FAM107A: variants seen among roughly 807,000 people sequenced by gnomAD.
FAM107A encodes family with sequence similarity 107 member A.
A neutral mutation model predicts 13.7 loss-of-function variants in FAM107A; 19 were observed. The ratio of observed to expected loss-of-function variants is 1.38; its 90% CI spans 0.97 to 2.03. The LOEUF (loss-of-function observed/expected upper bound fraction) is 2.03, where lower values mean the gene tolerates loss of function less well. Among genes scored for constraint, FAM107A ranks in the 30% most tolerant of loss-of-function variants. The pLI is 0.00. For missense variants in FAM107A, 203 were observed against 184.4 expected, an observed-to-expected ratio of 1.10 and a Z score of -0.58; for synonymous variants, 82 against 74.5, an observed-to-expected ratio of 1.10 and a Z score of -0.52.
Position 58,569,749 on chromosome 3 carries a change from C to G in FAM107A, c.112G>C (p.Val38Leu). 6.2e-7 allele frequency: 1 copy of G among 1,614,152 alleles called. No individual in the cohort carries two copies. The highest frequency in any genetic ancestry group is 1.6e-4 in the Middle Eastern group (1 of 6,062). Residue 38 changes from valine (V) to leucine (L), a missense_variant, in exon 2 of 4, where the codon GTG becomes CTG. Transcript: ENST00000360997. This position sits in a 1 kb window ranked among gnomAD's most constrained non-coding sequence, Gnocchi z 5.7. ...LIKPKKLLNP[V>L]KASRSHQELH... ...TCCTGGTGACTCCGAGAGGCCTTCA[C>G]GGGGTTCAGCAGCTTCTTGGGCTTG... is the stretch of plus-strand genomic sequence containing the variant.
At chr3:58,579,926 C>T (rs1042776099), upstream of FAM107A, among the ~76,000 whole-genome samples, 3 of 152,236 alleles carry the variant, frequency 2.0e-5, no homozygotes. Flanking sequence ...AGGGCAGGTA[C>T]CTACCTATCT....
chr3:58,585,446 G>A (rs962237220), intron 1 of FAM107A, among the ~76,000 whole-genome samples: 5 of 152,272 alleles, frequency 3.3e-5, no homozygotes, highest in African/African-American at 1.2e-4. Flanking sequence ...GGGACTTGGA[G>A]AACTGTGGTT....
chr3:58,579,396 T>A (rs572808132), upstream of FAM107A, among the ~76,000 whole-genome samples: 64 of 152,226 alleles, frequency 4.2e-4, no homozygotes, highest in Middle Eastern at 3.4e-3. Flanking sequence ...ATAAAACAAT[T>A]TTCTGGAAAC....
intron 1 of FAM107A, among the ~76,000 whole-genome samples, chr3:58,571,511 G>A (rs1305012405): frequency 6.6e-6 from 1 of 151,012 alleles, no homozygotes; most frequent in African/African-American, 2.4e-5. Flanking sequence ...TAATTTTTTG[G>A]TCCTTAAAAA....
At chr3:58,606,017 C>T (rs1177905648) in intron 1 of FAM107A, among the ~76,000 whole-genome samples, 4 of 152,202 alleles carry the variant, frequency 2.6e-5, no homozygotes, top group Non-Finnish European at 5.9e-5. Flanking sequence ...CCACTGTATA[C>T]CTTAATTCCT....
Position 58,604,099 on chromosome 3 carries a change from G to A in FAM107A, c.-69-14830C>T, listed in dbSNP as rs567615232. Among the ~76,000 whole-genome samples, 4 of 151,956 alleles carry A rather than the reference G, an allele frequency of 2.6e-5. No individual in the cohort carries two copies. The highest frequency in any genetic ancestry group is 9.6e-5 in the African/African-American group (4 of 41,458). ...ACACTAGCATGTCGGCTGATGAGCA[G>A]TTTCCACCTGGGCTTTTGAAGGAGG... On this transcript the variant is annotated intron_variant, in intron 1 of 3. Transcript: ENST00000465970. The surrounding 1 kb of genome is among the most constrained non-coding windows in gnomAD (Gnocchi z 4.1).
intron 1 of FAM107A, among the ~76,000 whole-genome samples, chr3:58,596,356 T>G (rs2065707262): frequency 6.6e-6 from 1 of 152,228 alleles, no homozygotes; most frequent in Non-Finnish European, 1.5e-5. Context: ...TTAAGGGACC[T>G]TGCTTTATTT....
chr3:58,610,363 G>A (rs2065841779), intron 1 of FAM107A, among the ~76,000 whole-genome samples: 1 of 152,202 alleles, frequency 6.6e-6, no homozygotes, highest in Admixed American at 6.5e-5. Context: ...CCATGAGGCT[G>A]AGCCTGCAGG....
chr3:58,623,179 C>G (rs1232050591), intron 1 of FAM107A, among the ~76,000 whole-genome samples: 1 of 152,184 alleles, frequency 6.6e-6, no homozygotes, highest in South Asian at 2.1e-4. Flanking sequence ...ATGAACACAC[C>G]CTTTCAGGCC....
intron 1 of FAM107A, among the ~76,000 whole-genome samples, chr3:58,573,277 A>T (rs1293654136): frequency 2.6e-5 from 4 of 152,118 alleles, no homozygotes; most frequent in African/African-American, 7.2e-5. Context: ...GTTGCTGGGG[A>T]CCCCCAGGAC....
At chr3:58,609,152 A>T (rs1204808712) in intron 1 of FAM107A, 3 of 152,228 alleles carry the variant, frequency 2.0e-5, no homozygotes, top group Admixed American at 2.0e-4. Context: ...GGTTCCCAGC[A>T]GATGCAGGTG....
At chr3:58,566,991 C>A in intron 3 of FAM107A, 1 of 626,124 alleles carries the variant, frequency 1.6e-6, no homozygotes, top group Non-Finnish European at 2.8e-6. Flanking sequence ...ATGCAGTACA[C>A]TGGGCCAGTG....
At chr3:58,619,861 ATG>A (rs1559488433) in intron 1 of FAM107A, among the ~76,000 whole-genome samples, 1 of 152,080 alleles carries the variant, frequency 6.6e-6, no homozygotes, top group African/African-American at 2.4e-5. Flanking sequence ...AAATGTGTGT[ATG>A]TGTGTGTGGT....
At chr3:58,599,196 C>T (rs1268275572) in intron 1 of FAM107A, among the ~76,000 whole-genome samples, 1 of 152,172 alleles carries the variant, frequency 6.6e-6, no homozygotes, top group Non-Finnish European at 1.5e-5. Context: ...CCTGCCTCAG[C>T]CTCCCAAAGT....
At chr3:58,568,992 C>T (rs1364064179) in intron 2 of FAM107A, among the ~76,000 whole-genome samples, 1 of 152,154 alleles carries the variant, frequency 6.6e-6, no homozygotes, top group East Asian at 1.9e-4. Flanking sequence ...CATTCCTGCC[C>T]ACTTTGGTAT....
At position 58,612,116 on chromosome 3, in the gene FAM107A, C is replaced by T. The variant is rs563620291; in HGVS notation, c.-70+15300G>A. Among the ~76,000 whole-genome samples, 217 of 152,046 alleles carry T rather than the reference C, an allele frequency of 1.4e-3. 4 individuals are homozygous for T. The South Asian group carries it at 0.043, about 30-fold the overall frequency. ...ATTTTGCATCCAACTTCATAGAAAC[C>T]CACCCATGATCCTAAAAGTAAAATC... On this transcript the variant is annotated intron_variant, in intron 1 of 3. Transcript: ENST00000465970.
chr3:58,586,773 C>G, intron 1 of FAM107A: 1 of 1,325,818 alleles, frequency 7.5e-7, no homozygotes, highest in South Asian at 1.6e-5. Context: ...CGCCCAGCGG[C>G]GGACTGGCCA....
rs555994957 is a variant in FAM107A, at chr3:58,566,300, A to C, written c.*288T>G. 2.8e-5 allele frequency: 10 copies of C among 355,082 alleles called. No individual in the cohort carries two copies. The East Asian group carries it at 4.8e-4, about 17-fold the overall frequency. 22.0% of individuals were successfully genotyped at this position (355,082 alleles called of 1,614,324 possible). A position where few individuals can be genotyped will look rare whatever the true frequency, so the allele number is the denominator to read the frequency against. On this transcript the variant is annotated 3_prime_UTR_variant, in exon 4 of 4. Coordinates refer to ENST00000360997, the MANE Select transcript of FAM107A (RefSeq NM_001076778.3). ...TCAGAGGGCCACCTCTTCCTCCTCA[A>C]TTCTGCCAGAGAAAGCTCCTGTGCT...
chr3:58,584,651 C>T (rs1018170174), intron 1 of FAM107A, among the ~76,000 whole-genome samples: 6 of 152,154 alleles, frequency 3.9e-5, no homozygotes, highest in African/African-American at 1.4e-4. Context: ...AACATATGGC[C>T]GCTTCACGCT....
Sources: gnomAD v4.1 joint callset for allele counts (sites outside exome capture counted in the v4.1 genomes callset) on GRCh38, gnomAD v4.1.1 for gene constraint, Gnocchi (gnomAD v3.1) non-coding constraint, MANE v1.5 for transcripts, NCBI Gene and HGNC (gene_info 2026-07-23, HGNC 2026-07-21) for gene names.